RBFOX1: variants seen among roughly 807,000 people sequenced by gnomAD.
RBFOX1 encodes RNA binding protein fox-1 homolog 1.
In RBFOX1, 8 loss-of-function variants were observed where a neutral mutation model predicts 57.7. That is an observed-to-expected ratio of 0.14 (90% CI 0.08 to 0.25). The LOEUF (loss-of-function observed/expected upper bound fraction) is 0.25. Ranked by LOEUF, RBFOX1 falls within the 10% of genes least tolerant of loss-of-function variation. The probability of loss-of-function intolerance (pLI) is 1.00; values close to 1 mark genes in which losing one functional copy is unlikely to be tolerated. For synonymous variants in RBFOX1, 326 were observed against 222.4 expected, an observed-to-expected ratio of 1.47 and a Z score of -4.15; for missense variants, 611 against 548.5, an observed-to-expected ratio of 1.11 and a Z score of -1.14.
At chr16:6,130,884 C>T (rs2096624710) in intron 1 of RBFOX1, among the ~76,000 whole-genome samples, 1 of 151,930 alleles carries the variant, frequency 6.6e-6, no homozygotes, top group African/African-American at 2.4e-5. Context: ...CAGAAGTTGA[C>T]AAAACTAAAG....
chr16:6,798,276 C>A (rs568166055), intron 3 of RBFOX1, among the ~76,000 whole-genome samples: 1 of 152,182 alleles, frequency 6.6e-6, no homozygotes, highest in Non-Finnish European at 1.5e-5. Context: ...TACATGCTTC[C>A]TGAATCTGCA....
rs576137060 is a variant in RBFOX1 at position 7,197,853 on chromosome 16, C to G, written c.27+145755C>G. 2.0e-5 allele frequency among the ~76,000 whole-genome samples: 3 copies of G among 152,070 alleles called. No homozygotes were observed. In the South Asian group the frequency reaches 6.2e-4, roughly 32 times the overall value. On this transcript the variant is annotated intron_variant, in intron 4 of 15. Coordinates refer to ENST00000550418, the MANE Select transcript of RBFOX1 (RefSeq NM_018723.4). ...ATGTTATTCCATTTCCGTGAAATAT[C>G]CAGAATAGGAAAATTCACAGAGACA... is the stretch of plus-strand genomic sequence containing the variant.
rs140724445 is a variant in RBFOX1, at chr16:5,647,802, A to C, written c.318+48841A>C. Among the ~76,000 whole-genome samples, 59 of 152,262 alleles carry C rather than the reference A, an allele frequency of 3.9e-4. No individual in the cohort carries two copies. In the East Asian group the frequency reaches 0.011, roughly 28 times the overall value. Reference sequence around the variant, plus strand: ...ACAGATTCTGTGTGTGCTTTATTTTAAAAATCTCTGCTTCCCAACACAGGA... The same window carrying C: ...ACAGATTCTGTGTGTGCTTTATTTTCAAAATCTCTGCTTCCCAACACAGGA... On this transcript the variant is annotated intron_variant, in intron 3 of 19. Coordinates refer to the RBFOX1 transcript ENST00000641259.
At chr16:5,743,165 T>C (rs571454368) in intron 3 of RBFOX1, among the ~76,000 whole-genome samples, 1 of 152,254 alleles carries the variant, frequency 6.6e-6, no homozygotes, top group Admixed American at 6.5e-5. Flanking sequence ...GATATATGGG[T>C]TACAGGTACA....
intron 4 of RBFOX1, among the ~76,000 whole-genome samples, chr16:7,509,126 T>G (rs1049592652): frequency 8.5e-5 from 13 of 152,138 alleles, no homozygotes; most frequent in African/African-American, 3.1e-4. Context: ...TTTTGCTCAC[T>G]GGGAGAGAAA....
chr16:6,953,148 C>A (rs2081104674), intron 3 of RBFOX1, among the ~76,000 whole-genome samples: 1 of 152,092 alleles, frequency 6.6e-6, no homozygotes, highest in Non-Finnish European at 1.5e-5. Flanking sequence ...ATGCCTCTTT[C>A]CACTGAAGGA....
intron 3 of RBFOX1, among the ~76,000 whole-genome samples, chr16:6,717,148 T>C (rs1220758026): frequency 6.6e-6 from 1 of 152,162 alleles, no homozygotes; most frequent in Non-Finnish European, 1.5e-5. Flanking sequence ...GAAATAAATG[T>C]GTGTTTAAGA....
chr16:6,512,188 G>A (rs2096268191), intron 2 of RBFOX1, among the ~76,000 whole-genome samples: 1 of 147,890 alleles, frequency 6.8e-6, no homozygotes, highest in Admixed American at 7.0e-5. Flanking sequence ...GGTTGCTGAG[G>A]TCGTAGGATT....
intron 3 of RBFOX1, chr16:7,004,013 A>T (rs1428853557): frequency 1.3e-5 from 2 of 151,370 alleles, no homozygotes; most frequent in African/African-American, 2.4e-5. Flanking sequence ...TTTATAAAAA[A>T]AGTAACGCTT....
intron 1 of RBFOX1, among the ~76,000 whole-genome samples, chr16:6,289,453 A>G (rs2077235424): frequency 1.3e-5 from 2 of 152,182 alleles, no homozygotes; most frequent in Admixed American, 1.3e-4. Flanking sequence ...CATCATCCTA[A>G]TCATTCCCTA....
intron 4 of RBFOX1, among the ~76,000 whole-genome samples, chr16:7,457,652 CT>C (rs1282041559): frequency 6.6e-6 from 1 of 152,046 alleles, no homozygotes; most frequent in Non-Finnish European, 1.5e-5. Context: ...ATCAAATCCC[CT>C]TTGCTTGGTT....
chr16:6,183,950 T>G (rs1207860880), intron 1 of RBFOX1, among the ~76,000 whole-genome samples: 2 of 152,310 alleles, frequency 1.3e-5, no homozygotes, highest in East Asian at 3.9e-4. Context: ...AAGACATACC[T>G]GAGAGTGGGT....
intron 4 of RBFOX1, among the ~76,000 whole-genome samples, chr16:7,431,605 C>T (rs2098680856): frequency 6.6e-6 from 1 of 152,174 alleles, no homozygotes; most frequent in Non-Finnish European, 1.5e-5. Flanking sequence ...TAAAATGTGT[C>T]ATCGGTGATA....
chr16:6,413,378 G>C (rs940037667), intron 2 of RBFOX1, among the ~76,000 whole-genome samples: 14 of 151,568 alleles, frequency 9.2e-5, no homozygotes, highest in African/African-American at 3.1e-4. Flanking sequence ...TGCCTTAGCT[G>C]GTCTTGAACC....
chr16:6,508,859 C>G (rs3095260), intron 2 of RBFOX1, among the ~76,000 whole-genome samples: 5 of 151,864 alleles, frequency 3.3e-5, no homozygotes, highest in African/African-American at 4.8e-5. Context: ...CACCAACCTA[C>G]GAATCATAAC....
rs147810636 is a variant in RBFOX1 at position 7,526,253 on chromosome 16, G to C, written c.270+7864G>C. Among the ~76,000 whole-genome samples, 541 of 152,224 alleles carry C rather than the reference G, an allele frequency of 3.6e-3. 2 individuals carry two copies. The highest frequency in any genetic ancestry group is 0.014 in the Middle Eastern group (4 of 294). On this transcript the variant is annotated intron_variant, in intron 5 of 15. Transcript: ENST00000550418. Reference sequence around the variant, plus strand: ...GGAAAAATTGTCTTCCACAAAACTGGTACCAAAAATTTTGGGGACTGCTGC... The same window carrying C: ...GGAAAAATTGTCTTCCACAAAACTGCTACCAAAAATTTTGGGGACTGCTGC...
intron 3 of RBFOX1, among the ~76,000 whole-genome samples, chr16:5,647,239 G>A (rs2049084090): frequency 6.6e-6 from 1 of 152,200 alleles, no homozygotes; most frequent in Non-Finnish European, 1.5e-5. Flanking sequence ...TGAGGCAACA[G>A]GAGGTGAGGT....
intron 2 of RBFOX1, among the ~76,000 whole-genome samples, chr16:5,518,607 T>C (rs2043886878): frequency 1.3e-5 from 2 of 152,160 alleles, no homozygotes. Context: ...GATATGTCCA[T>C]GTTTGAAGTC....
At chr16:6,983,980 G>A (rs2089630520) in intron 3 of RBFOX1, among the ~76,000 whole-genome samples, 1 of 152,116 alleles carries the variant, frequency 6.6e-6, no homozygotes, top group Non-Finnish European at 1.5e-5. Flanking sequence ...TGGAGTGGTG[G>A]CTGAACCCTG....
Sources: allele counts gnomAD v4.1 joint callset (sites outside exome capture counted in the v4.1 genomes callset), GRCh38; gene constraint gnomAD v4.1.1; transcripts MANE v1.5; gene names NCBI Gene and HGNC (gene_info 2026-07-23, HGNC 2026-07-21).